Variants in LARGE1 observed in about 807,000 individuals in gnomAD.
LARGE1 encodes the protein LARGE xylosyl- and glucuronyltransferase 1.
In LARGE1, 43 loss-of-function variants were observed where a neutral mutation model predicts 87.6. The observed-to-expected ratio is 0.49, with a 90% CI of 0.38 to 0.63. LARGE1 has a LOEUF of 0.63. Ranked by LOEUF, LARGE1 falls within the 30% of genes least tolerant of loss-of-function variation. The pLI, the probability that LARGE1 is intolerant of heterozygous loss-of-function variation, is 0.00. For synonymous variants in LARGE1, 434 were observed against 394.6 expected (o/e 1.10, Z -1.18); for missense variants, 802 against 1,000.2 (o/e 0.80, Z 2.67).
intron 1 of LARGE1, among the ~76,000 whole-genome samples, chr22:33,831,514 C>T (rs2062967808): frequency 6.6e-6 from 1 of 152,110 alleles, no homozygotes; most frequent in Non-Finnish European, 1.5e-5. Flanking sequence ...CTCCTCTTGC[C>T]CTAGGACCGA....
intron 2 of LARGE1, among the ~76,000 whole-genome samples, chr22:33,683,775 G>GCCAGAA (rs1358108073): frequency 2.0e-5 from 3 of 151,922 alleles, no homozygotes; most frequent in African/African-American, 7.3e-5. Flanking sequence ...CTGCCAGTCA[G>GCCAGAA]GGTCCATTGC....
At chr22:33,643,843 C>T (rs1248836876) in intron 3 of LARGE1, among the ~76,000 whole-genome samples, 2 of 152,048 alleles carry the variant, frequency 1.3e-5, no homozygotes, top group Admixed American at 1.3e-4. Context: ...ACATATACAT[C>T]CTCCCAAGAC....
intron 2 of LARGE1, among the ~76,000 whole-genome samples, chr22:33,660,421 G>A (rs1317247554): frequency 1.3e-5 from 2 of 152,072 alleles, no homozygotes. Flanking sequence ...TACTAGAAAA[G>A]GTGAATAGAT....
chr22:33,841,586 C>T (rs1260723718), intron 1 of LARGE1, among the ~76,000 whole-genome samples: 4 of 152,218 alleles, frequency 2.6e-5, no homozygotes, highest in Non-Finnish European at 5.9e-5. Flanking sequence ...ACAGCCCCAA[C>T]AAAAGCCTCA....
intron 3 of LARGE1, among the ~76,000 whole-genome samples, chr22:33,642,845 G>A (rs1303011197): frequency 6.6e-6 from 1 of 150,996 alleles, no homozygotes; most frequent in East Asian, 1.9e-4. Flanking sequence ...GTAACATGAA[G>A]AGCTAACTAT....
the LARGE1 span, among the ~76,000 whole-genome samples, chr22:33,141,467 AT>A: frequency 3.1e-4 from 47 of 152,122 alleles, no homozygotes; most frequent in African/African-American, 9.9e-4. Context: ...TGGCAAAATA[AT>A]TTTTTTGTTT....
intron 9 of LARGE1, among the ~76,000 whole-genome samples, chr22:33,371,332 C>G (rs187320726): frequency 6.6e-6 from 1 of 152,226 alleles, no homozygotes; most frequent in African/African-American, 2.4e-5. Flanking sequence ...ATGGAAATAT[C>G]TTCGAAACTG....
intron 2 of LARGE1, among the ~76,000 whole-genome samples, chr22:33,665,503 C>A (rs1405257524): frequency 6.6e-6 from 1 of 152,204 alleles, no homozygotes; most frequent in South Asian, 2.1e-4. Flanking sequence ...TTAGGGCTCC[C>A]TTACTGACCA....
chr22:33,852,117 G>A (rs1274921971), intron 1 of LARGE1, among the ~76,000 whole-genome samples: 1 of 152,288 alleles, frequency 6.6e-6, no homozygotes, highest in Middle Eastern at 3.4e-3. Flanking sequence ...GCAGCAGAAG[G>A]AACTATTCTT....
intron 1 of LARGE1, among the ~76,000 whole-genome samples, chr22:33,916,106 C>T (rs2065778969): frequency 6.6e-6 from 1 of 152,078 alleles, no homozygotes; most frequent in African/African-American, 2.4e-5. Flanking sequence ...GATGGTGAAA[C>T]CCCGCCTCTA....
chr22:33,813,589 G>A (rs2086565175), intron 1 of LARGE1, among the ~76,000 whole-genome samples: 1 of 152,016 alleles, frequency 6.6e-6, no homozygotes, highest in Admixed American at 6.6e-5. Context: ...AACCATTGAG[G>A]AACAACATAC....
rs372986186 is a variant in LARGE1, at chr22:33,606,917, G to A, written c.492-2359C>T. 8.5e-4 allele frequency among the ~76,000 whole-genome samples: 130 copies of A among 152,200 alleles called. 5 individuals carry two copies. The South Asian group carries it at 0.026, about 31-fold the overall frequency. On this transcript the variant is annotated intron_variant, in intron 4 of 14. Coordinates refer to ENST00000397394, the MANE Select transcript of LARGE1 (RefSeq NM_133642.5). ...TTCCTAACTGTTATCCCAGCCATAC[G>A]TACCGGCCTACTCATCCTTATGTAG...
intron 3 of LARGE1, among the ~76,000 whole-genome samples, chr22:33,629,625 G>C (rs925658142): frequency 6.6e-6 from 1 of 152,170 alleles, no homozygotes; most frequent in African/African-American, 2.4e-5. Context: ...GTTGGAGTGG[G>C]AATGGGGAGA....
chr22:33,648,643 C>T (rs530791079), intron 3 of LARGE1, among the ~76,000 whole-genome samples: 1 of 152,312 alleles, frequency 6.6e-6, no homozygotes, highest in Non-Finnish European at 1.5e-5. Flanking sequence ...AATTTGTTAA[C>T]GTGGCTGAAT....
intron 11 of LARGE1, among the ~76,000 whole-genome samples, chr22:33,250,440 CACAG>C (rs1444297333): frequency 2.0e-5 from 3 of 152,172 alleles, no homozygotes; most frequent in African/African-American, 4.8e-5. Context: ...GGATTTTCTA[CACAG>C]ACAATCATGT....
chr22:33,684,841 T>C (rs1446634810), intron 2 of LARGE1, among the ~76,000 whole-genome samples: 7 of 152,180 alleles, frequency 4.6e-5, no homozygotes, highest in Non-Finnish European at 2.9e-5. Context: ...CAAACCATAG[T>C]TGATTCAGAT....
intron 2 of LARGE1, among the ~76,000 whole-genome samples, chr22:33,756,465 T>G (rs2084516726): frequency 6.6e-6 from 1 of 152,078 alleles, no homozygotes; most frequent in Admixed American, 6.5e-5. Context: ...AGCCTGCTAG[T>G]TAAGGGTCAG....
chr22:33,713,668 T>C (rs755172428), intron 2 of LARGE1, among the ~76,000 whole-genome samples: 15 of 152,042 alleles, frequency 9.9e-5, no homozygotes, highest in Non-Finnish European at 1.9e-4. Context: ...TTAAAATGAG[T>C]GCCCAGGGCT....
At chr22:33,682,815 C>G (rs1056362857) in intron 2 of LARGE1, among the ~76,000 whole-genome samples, 4 of 152,144 alleles carry the variant, frequency 2.6e-5, no homozygotes, top group Middle Eastern at 3.2e-3. Context: ...CTATCTGAAC[C>G]CAGAGGAAAA....
Sources: allele counts gnomAD v4.1 joint callset (sites outside exome capture counted in the v4.1 genomes callset), GRCh38; gene constraint gnomAD v4.1.1; transcripts MANE v1.5; gene names NCBI Gene and HGNC (gene_info 2026-07-23, HGNC 2026-07-21).